PDE8B: variants seen among roughly 807,000 people sequenced by gnomAD.
PDE8B encodes the protein high affinity cAMP-specific and IBMX-insensitive 3',5'-cyclic phosphodiesterase 8B.
PDE8B carries 26 observed loss-of-function variants against 101.3 expected under a neutral mutation model. The observed-to-expected ratio is 0.26, with a 90% CI of 0.19 to 0.36. The LOEUF (loss-of-function observed/expected upper bound fraction) is 0.36. Ranked by LOEUF, PDE8B falls within the 10% of genes least tolerant of loss-of-function variation. The pLI is 1.00. For synonymous variants in PDE8B, 424 were observed against 429.3 expected, an observed-to-expected ratio of 0.99 and a Z score of 0.15; for missense variants, 810 against 1,163.1, an observed-to-expected ratio of 0.70 and a Z score of 4.42.
the PDE8B span, chr5:77,087,184 C>A: frequency 6.6e-5 from 10 of 152,536 alleles, no homozygotes; most frequent in East Asian, 1.9e-3. Context: ...CCTCCAGGCG[C>A]CTCGCTGACA....
At chr5:77,225,146 A>G (rs917425530) in intron 1 of PDE8B, among the ~76,000 whole-genome samples, 1 of 152,226 alleles carries the variant, frequency 6.6e-6, no homozygotes, top group Non-Finnish European at 1.5e-5. Flanking sequence ...GAATGCATCT[A>G]TAAAGATAAA....
chr5:77,393,110 A>G (rs1185823369), intron 10 of PDE8B, among the ~76,000 whole-genome samples: 1 of 152,166 alleles, frequency 6.6e-6, no homozygotes, highest in Non-Finnish European at 1.5e-5. Flanking sequence ...ACAGTATTTC[A>G]GGTCCAGTTA....
At chr5:77,417,428 AATC>A (rs1404101334) in intron 17 of PDE8B, among the ~76,000 whole-genome samples, 2 of 152,118 alleles carry the variant, frequency 1.3e-5, no homozygotes, top group African/African-American at 4.8e-5. Flanking sequence ...TGCCAGTGTA[AATC>A]ATCATGGCAG....
At chr5:77,233,654 CTGTGTGTG>C (rs72346580) in intron 1 of PDE8B, among the ~76,000 whole-genome samples, 182 of 138,340 alleles carry the variant, frequency 1.3e-3, no homozygotes, top group Middle Eastern at 3.6e-3. Flanking sequence ...CCCTGAAGCT[CTGTGTGTG>C]TGTGTGTGTG....
the PDE8B span, among the ~76,000 whole-genome samples, chr5:77,189,158 G>C: frequency 0.017 from 2,562 of 152,320 alleles, 72 homozygotes; most frequent in African/African-American, 0.059. Flanking sequence ...GTGAGCAGCA[G>C]GGGAGGACAC....
At chr5:77,136,407 G>A in the PDE8B span, among the ~76,000 whole-genome samples, 1 of 152,274 alleles carries the variant, frequency 6.6e-6, no homozygotes, top group African/African-American at 2.4e-5. Context: ...GCACTAGCCA[G>A]CTAAATGACA....
At chr5:77,364,868 C>T (rs1419093539) in intron 10 of PDE8B, among the ~76,000 whole-genome samples, 1 of 152,178 alleles carries the variant, frequency 6.6e-6, no homozygotes, top group Non-Finnish European at 1.5e-5. Flanking sequence ...GGAGCCTGCT[C>T]TCAAGCTGCT....
At position 77,269,976 on chromosome 5, in the gene PDE8B, A is replaced by G. The variant is rs1461082805; in HGVS notation, c.340-42018A>G. Among the ~76,000 whole-genome samples, 3 of 152,044 alleles carry G rather than the reference A, an allele frequency of 2.0e-5. No individual in the cohort carries two copies. In the East Asian group the frequency reaches 5.8e-4, roughly 29 times the overall value. Reference sequence around the variant, plus strand: ...TCTGGGTCTTTTGTGATTCCACTTAAATTTTAGGATTTTTTTCTCTATTTC... The same window carrying G: ...TCTGGGTCTTTTGTGATTCCACTTAGATTTTAGGATTTTTTTCTCTATTTC... On this transcript the variant is annotated intron_variant, in intron 1 of 21. Transcript: ENST00000264917.
rs147329686 is a variant in PDE8B, at chr5:77,354,323, G to C, written c.1167+917G>C. 1.2e-3 allele frequency among the ~76,000 whole-genome samples: 184 copies of C among 152,286 alleles called. 1 individual carries two copies. The highest frequency in any genetic ancestry group is 4.2e-3 in the African/African-American group (175 of 41,550). On this transcript the variant is annotated intron_variant, in intron 10 of 21. Coordinates refer to ENST00000264917, the MANE Select transcript of PDE8B (RefSeq NM_003719.5). ...ATATCAAAGGGGTCCACGTCCATGT[G>C]CTCCTTTATAAGATATAGTTGGAGA...
the PDE8B span, among the ~76,000 whole-genome samples, chr5:77,102,909 A>T: frequency 6.6e-6 from 1 of 152,192 alleles, no homozygotes; most frequent in Non-Finnish European, 1.5e-5. Flanking sequence ...CGTGGCCAAG[A>T]TGCCAGCACT....
chr5:77,366,467 GCC>G (rs910461124), intron 10 of PDE8B, among the ~76,000 whole-genome samples: 3 of 152,206 alleles, frequency 2.0e-5, no homozygotes, highest in Non-Finnish European at 4.4e-5. Flanking sequence ...TGTTGAGTAG[GCC>G]CTGGGGTCGG....
chr5:77,183,416 G>A, the PDE8B span, among the ~76,000 whole-genome samples: 1 of 152,064 alleles, frequency 6.6e-6, no homozygotes, highest in East Asian at 1.9e-4. Flanking sequence ...CTGTGCCTGG[G>A]CGCTACTATT....
At chr5:77,419,173 C>G (rs879526936) in intron 18 of PDE8B, among the ~76,000 whole-genome samples, 2 of 152,190 alleles carry the variant, frequency 1.3e-5, no homozygotes, top group Non-Finnish European at 2.9e-5. Flanking sequence ...AGAAAAAATT[C>G]TTTCCAGTAG....
chr5:77,193,159 A>G, the PDE8B span, among the ~76,000 whole-genome samples: 1 of 152,142 alleles, frequency 6.6e-6, no homozygotes, highest in Non-Finnish European at 1.5e-5. Context: ...AAAAGAGCAG[A>G]CTTTTACATT....
chr5:77,288,188 A>G (rs1766454356), intron 1 of PDE8B, among the ~76,000 whole-genome samples: 1 of 152,118 alleles, frequency 6.6e-6, no homozygotes. Context: ...CTGTTCCTAG[A>G]TTGCAGCTCA....
intron 10 of PDE8B, among the ~76,000 whole-genome samples, chr5:77,378,456 TAAAAAAAAAAAAA>T (rs58121927): frequency 1.0e-4 from 7 of 69,374 alleles, no homozygotes; most frequent in South Asian, 8.3e-4. Context: ...AGACTCCATC[TAAAAAAAAAAAAA>T]AAAAAAAAAA....
At chr5:77,166,226 T>TA in the PDE8B span, among the ~76,000 whole-genome samples, 8,113 of 116,314 alleles carry the variant, frequency 0.07, 569 homozygotes, top group African/African-American at 0.19. Context: ...TCGGTAAAGA[T>TA]AAAAAAAAAA....
rs966004555 is a variant in PDE8B, at chr5:77,419,505, C to T, written c.2130-262C>T. On this transcript the variant is annotated intron_variant, in intron 18 of 21. Transcript: ENST00000264917. ...GAGGGGAATCACCTTGTCAGATAAA[C>T]GTCCACCATGTGACAGGTACCTTCT... Among the ~76,000 whole-genome samples the T allele has an allele frequency of 2.6e-5, 4 of 152,176 alleles. No homozygotes were observed. The East Asian group carries it at 5.8e-4, about 22-fold the overall frequency.
chr5:77,113,121 A>T, the PDE8B span: 6 of 152,228 alleles, frequency 3.9e-5, no homozygotes, highest in Non-Finnish European at 8.8e-5. Context: ...AATGCTAGCT[A>T]TCCCCATCAA....
Sources: gnomAD v4.1 joint callset for allele counts (sites outside exome capture counted in the v4.1 genomes callset) on GRCh38, gnomAD v4.1.1 for gene constraint, MANE v1.5 for transcripts, NCBI Gene and HGNC (gene_info 2026-07-23, HGNC 2026-07-21) for gene names.